The following RMST variants were observed in gnomAD, a reference collection of about 807,000 sequenced individuals.
RMST encodes long intergenic non-protein coding RNA 54.
At chr12:97,515,020 C>A (rs191276415) in intron 10 of RMST, among the ~76,000 whole-genome samples, 296 of 152,198 alleles carry the variant, frequency 1.9e-3, no homozygotes, top group Middle Eastern at 3.4e-3. Flanking sequence ...TGATATTGAT[C>A]TCTGGCTTAC....
At chr12:97,558,427 T>C (rs11109107) in intron 11 of RMST, among the ~76,000 whole-genome samples, 10,281 of 152,292 alleles carry the variant, frequency 0.068, 468 homozygotes, top group East Asian at 0.19. Flanking sequence ...CTTTTGTCTG[T>C]GTTAATGATT....
At chr12:97,526,875 C>T (rs1016942934) in intron 10 of RMST, among the ~76,000 whole-genome samples, 1 of 152,074 alleles carries the variant, frequency 6.6e-6, no homozygotes, top group Admixed American at 6.6e-5. Flanking sequence ...GGATATCTAC[C>T]ATGTGCTAAG....
intron 11 of RMST, among the ~76,000 whole-genome samples, chr12:97,542,341 A>T (rs1176116286): frequency 6.6e-6 from 1 of 151,898 alleles, no homozygotes; most frequent in African/African-American, 2.4e-5. Context: ...GGAGTGAAAT[A>T]AACACACCTG....
At chr12:97,502,110 A>C (rs772002130) in intron 10 of RMST, among the ~76,000 whole-genome samples, 23 of 152,126 alleles carry the variant, frequency 1.5e-4, no homozygotes, top group Non-Finnish European at 3.4e-4. Context: ...TTCTGCAATC[A>C]GTGGAGGTAA....
At chr12:97,523,909 C>T (rs1880778448) in intron 10 of RMST, among the ~76,000 whole-genome samples, 1 of 151,536 alleles carries the variant, frequency 6.6e-6, no homozygotes, top group Non-Finnish European at 1.5e-5. Context: ...AACCCCATCT[C>T]TACTAAAAAT....
chr12:97,561,568 C>A (rs541024023), intron 13 of RMST, among the ~76,000 whole-genome samples: 34 of 147,416 alleles, frequency 2.3e-4, no homozygotes, highest in African/African-American at 8.4e-4. Context: ...CTAACCTTTT[C>A]CCTTTGGGAC....
intron 10 of RMST, among the ~76,000 whole-genome samples, chr12:97,518,515 A>G (rs1411710398): frequency 6.6e-6 from 1 of 152,162 alleles, no homozygotes; most frequent in African/African-American, 2.4e-5. Context: ...GACCTTGTTC[A>G]AAAATGCAAT....
intron 5 of RMST, among the ~76,000 whole-genome samples, chr12:97,477,804 T>C (rs899982278): frequency 6.6e-6 from 1 of 152,250 alleles, no homozygotes; most frequent in Non-Finnish European, 1.5e-5. Context: ...CAAGTATGTG[T>C]TGCTTAACTT....
chr12:97,516,422 A>C (rs954563428), intron 10 of RMST, among the ~76,000 whole-genome samples: 1 of 152,078 alleles, frequency 6.6e-6, no homozygotes, highest in African/African-American at 2.4e-5. Context: ...AAAACTGTTC[A>C]TTTCCCTGTA....
chr12:97,541,648 C>T (rs541697937), intron 11 of RMST, among the ~76,000 whole-genome samples: 1 of 147,076 alleles, frequency 6.8e-6, no homozygotes, highest in African/African-American at 2.5e-5. Context: ...CAGGCTCAGA[C>T]AAAAGCTCAG....
intron 10 of RMST, among the ~76,000 whole-genome samples, chr12:97,499,581 A>G (rs1877839018): frequency 1.3e-5 from 2 of 152,070 alleles, no homozygotes; most frequent in Non-Finnish European, 2.9e-5. Flanking sequence ...AGTGTTTTGT[A>G]AACTCTAAAA....
intron 11 of RMST, among the ~76,000 whole-genome samples, chr12:97,560,165 A>AAAG (rs201446346): frequency 3.3e-5 from 5 of 152,072 alleles, no homozygotes; most frequent in Admixed American, 6.5e-5. Flanking sequence ...GACTGCAGAA[A>AAAG]AAGAAGAAGA....
chr12:97,555,884 T>A (rs963029613), intron 11 of RMST, among the ~76,000 whole-genome samples: 1 of 152,256 alleles, frequency 6.6e-6, no homozygotes, highest in Admixed American at 6.5e-5. Context: ...TTTTACCGGC[T>A]GGCTTCAAAT....
intron 5 of RMST, among the ~76,000 whole-genome samples, chr12:97,482,029 TG>T (rs1875358700): frequency 2.0e-5 from 3 of 152,224 alleles, no homozygotes; most frequent in Admixed American, 6.5e-5. Flanking sequence ...TTTACAACAC[TG>T]TTTATTCACT....
At chr12:97,474,620 A>G (rs1041597280) in intron 5 of RMST, among the ~76,000 whole-genome samples, 22 of 140,454 alleles carry the variant, frequency 1.6e-4, no homozygotes, top group Non-Finnish European at 1.5e-5. Context: ...AAGAAAAAAG[A>G]AGCCAAAAAA....
chr12:97,518,786 G>GA (rs1308888519), intron 10 of RMST, among the ~76,000 whole-genome samples: 2 of 151,778 alleles, frequency 1.3e-5, no homozygotes, highest in East Asian at 3.9e-4. Flanking sequence ...GCATTTTTTA[G>GA]AAAAAAGGTC....
chr12:97,479,440 A>G (rs1874962546), intron 5 of RMST, among the ~76,000 whole-genome samples: 1 of 152,176 alleles, frequency 6.6e-6, no homozygotes, highest in Non-Finnish European at 1.5e-5. Flanking sequence ...GGCGTGAGCC[A>G]CAATGCCCAG....
At chr12:97,511,299 C>T (rs146843304) in intron 10 of RMST, among the ~76,000 whole-genome samples, 53 of 152,126 alleles carry the variant, frequency 3.5e-4, no homozygotes, top group African/African-American at 1.2e-3. Flanking sequence ...CAGGCACGTG[C>T]CACTACATGC....
rs117896726 is a variant in RMST at position 97,545,321 on chromosome 12, A to G, written n.1545+14462A>G. Among the ~76,000 whole-genome samples the G allele has an allele frequency of 2.4e-4, 37 of 152,168 alleles. 1 individual carries two copies. The East Asian group carries it at 6.8e-3, about 28-fold the overall frequency. On this transcript the variant is annotated intron_variant and non_coding_transcript_variant, in intron 11 of 13. Transcript: ENST00000640149. ...ATGTTTTCTTCTTTCCACAGTCCGC[A>G]GTGGTTGACATTGCGAGTATAGAGG...
Sources: gnomAD v4.1 joint callset for allele counts (sites outside exome capture counted in the v4.1 genomes callset) on GRCh38, gnomAD v4.1.1 for gene constraint, MANE v1.5 for transcripts, NCBI Gene and HGNC (gene_info 2026-07-23, HGNC 2026-07-21) for gene names.